The following CHRDL2 variants were observed in gnomAD, a reference collection of about 807,000 sequenced individuals.
CHRDL2 encodes chordin like 2.
A neutral mutation model predicts 54.3 loss-of-function variants in CHRDL2; 41 were observed. That is an observed-to-expected ratio of 0.76 (90% confidence interval 0.59 to 0.98). The LOEUF (loss-of-function observed/expected upper bound fraction) is 0.98. Ranked by LOEUF, CHRDL2 falls within the 50% of genes least tolerant of loss-of-function variation. CHRDL2 has a pLI of 0.00. For missense variants in CHRDL2, 518 were observed against 562.4 expected, an observed-to-expected ratio of 0.92 and a Z score of 0.80; for synonymous variants, 220 against 224.3, an observed-to-expected ratio of 0.98 and a Z score of 0.17.
chr11:74,709,838 G>A (rs190812917), intron 4 of CHRDL2, among the ~76,000 whole-genome samples: 86 of 152,326 alleles, frequency 5.6e-4, no homozygotes, highest in Non-Finnish European at 9.1e-4. Flanking sequence ...TGAGGCCCAA[G>A]TGTGGTGATC....
intron 3 of CHRDL2, among the ~76,000 whole-genome samples, chr11:74,712,658 C>T (rs1191743430): frequency 1.2e-4 from 18 of 152,144 alleles, no homozygotes; most frequent in African/African-American, 3.9e-4. Flanking sequence ...TCCAGAGCCC[C>T]GACCCGAGGC....
chr11:74,703,530 T>C (rs776859425), intron 7 of CHRDL2, 31 bp from the exon 8 acceptor site: 22 of 1,484,422 alleles, frequency 1.5e-5, no homozygotes, highest in Non-Finnish European at 1.8e-5. Flanking sequence ...GGAAGGAGGA[T>C]CAGGGCCTCA....
At chr11:74,696,670 T>G in intron 10 of CHRDL2, 85 bp from the exon 11 acceptor site, 1 of 1,049,700 alleles carries the variant, frequency 9.5e-7, no homozygotes, top group Non-Finnish European at 1.5e-6. Context: ...TGGAAAAGCC[T>G]TGGGCCAGGA....
chr11:74,717,437 C>T (rs952422557), intron 2 of CHRDL2, among the ~76,000 whole-genome samples: 5 of 152,174 alleles, frequency 3.3e-5, no homozygotes, highest in African/African-American at 1.2e-4. Flanking sequence ...CCTTTCTGTT[C>T]TCTGGCTATA....
In CHRDL2 at chr11:74,731,110, G is replaced by C. The variant is rs2034647202; in HGVS notation, c.-222C>G. 1.8e-6 allele frequency: 1 copy of C among 566,018 alleles called. No individual in the cohort carries two copies. The highest frequency in any genetic ancestry group is 3.1e-6 in the Non-Finnish European group (1 of 317,750). 35.1% of individuals were successfully genotyped at this position (566,018 alleles called of 1,614,324 possible). On this transcript the variant is annotated 5_prime_UTR_variant, in exon 1 of 11. Coordinates refer to ENST00000376332, the MANE Select transcript of CHRDL2 (RefSeq NM_001278473.3). The surrounding 1 kb of genome is among the most constrained non-coding windows in gnomAD (Gnocchi z 4.4). ...GAGAAAGGTGGAAAGAGAACGCGGG[G>C]AAAGGAGGGAGAGATGGAGAGACGA...
chr11:74,723,317 T>G (rs2034525534), intron 1 of CHRDL2, among the ~76,000 whole-genome samples: 1 of 152,132 alleles, frequency 6.6e-6, no homozygotes, highest in Non-Finnish European at 1.5e-5. Context: ...ATTATTATCA[T>G]TAGTAATACA....
chr11:74,718,636 G>A lies in CHRDL2; in HGVS notation c.195+84C>T. On this transcript the variant is annotated intron_variant, in intron 2 of 10. Transcript: ENST00000376332. ...GCCGCTGACAGCACAGTTCTAGAAGGCCTGGTCCTCCTTCTGGGGTGACTT... is the reference window on the plus strand; with the variant it reads ...GCCGCTGACAGCACAGTTCTAGAAGACCTGGTCCTCCTTCTGGGGTGACTT... 6.8e-6 allele frequency: 6 copies of A among 877,168 alleles called. No individual in the cohort carries two copies. The South Asian group carries it at 8.8e-5, about 13-fold the overall frequency. The allele number at this position is 877,168 out of a possible 1,614,324, so 54.3% of individuals were successfully genotyped here. A position where few individuals can be genotyped will look rare whatever the true frequency, so the allele number is the denominator to read the frequency against.
intron 4 of CHRDL2, among the ~76,000 whole-genome samples, chr11:74,710,612 G>T (rs1416989091): frequency 2.0e-5 from 3 of 149,958 alleles, no homozygotes; most frequent in Non-Finnish European, 4.4e-5. Context: ...TCCCCTCAAG[G>T]AATGCAGCGT....
intron 4 of CHRDL2, among the ~76,000 whole-genome samples, chr11:74,710,380 C>A (rs574926363): frequency 7.9e-5 from 12 of 152,292 alleles, no homozygotes; most frequent in Non-Finnish European, 1.5e-4. Flanking sequence ...GTCAGCCCTG[C>A]CTGCCCGGAG....
At chr11:74,710,318 C>G (rs2034146167) in intron 4 of CHRDL2, among the ~76,000 whole-genome samples, 1 of 152,170 alleles carries the variant, frequency 6.6e-6, no homozygotes, top group African/African-American at 2.4e-5. Context: ...TGAAGACTTT[C>G]CAGAGGAGGC....
chr11:74,718,426 G>A (rs2034417669), intron 2 of CHRDL2, among the ~76,000 whole-genome samples: 1 of 152,210 alleles, frequency 6.6e-6, no homozygotes, highest in Non-Finnish European at 1.5e-5. Context: ...CTGCGTGGGA[G>A]GCAGGGAGGC....
intron 1 of CHRDL2, among the ~76,000 whole-genome samples, chr11:74,722,497 T>A (rs979008364): frequency 1.3e-5 from 2 of 152,148 alleles, no homozygotes; most frequent in Non-Finnish European, 2.9e-5. Flanking sequence ...GGTCAGATAA[T>A]ATATGTAATA....
chr11:74,717,080 C>T (rs1368887253), intron 2 of CHRDL2, among the ~76,000 whole-genome samples: 1 of 150,238 alleles, frequency 6.7e-6, no homozygotes, highest in Non-Finnish European at 1.5e-5. Flanking sequence ...GGTGCCAGAG[C>T]GAGACCCTGT....
At chr11:74,722,570 G>A (rs1422944612) in intron 1 of CHRDL2, among the ~76,000 whole-genome samples, 1 of 151,916 alleles carries the variant, frequency 6.6e-6, no homozygotes, top group Non-Finnish European at 1.5e-5. Flanking sequence ...ACAGATCTGG[G>A]CACTGACCCC....
At position 74,720,271 on chromosome 11, in the gene CHRDL2, A is replaced by G. The variant is rs190821107; in HGVS notation, c.83-1439T>C. 2.3e-3 allele frequency: 358 copies of G among 153,132 alleles called. 1 individual carries two copies. The highest frequency in any genetic ancestry group is 4.3e-3 in the Non-Finnish European group (291 of 68,172). The allele number at this position is 153,132 out of a possible 1,614,324, so 9.5% of individuals were successfully genotyped here. ...ATGATAATTGTGGTAACAATCACAA[A>G]GCCACTGCAAAATGGACATTGTCAT... On this transcript the variant is annotated intron_variant, in intron 1 of 10. Coordinates refer to ENST00000376332, the MANE Select transcript of CHRDL2 (RefSeq NM_001278473.3).
chr11:74,708,532 ACAGCAAGGCCCGGC>A, intron 4 of CHRDL2, 137 bp from the exon 5 acceptor site: 1 of 635,624 alleles, frequency 1.6e-6, no homozygotes, highest in Middle Eastern at 2.7e-4. Context: ...CAGCATCTCC[ACAGCAAGGCCCGGC>A]CAGCTCAGAG....
intron 1 of CHRDL2, among the ~76,000 whole-genome samples, chr11:74,721,258 A>T (rs1288472932): frequency 1.3e-5 from 2 of 152,082 alleles, no homozygotes; most frequent in African/African-American, 2.4e-5. Flanking sequence ...GGAGGGGGTG[A>T]TTGCAACACT....
chr11:74,708,203 T>C, intron 5 of CHRDL2, 99 bp downstream of exon 5: 1 of 777,974 alleles, frequency 1.3e-6, no homozygotes, highest in Non-Finnish European at 1.9e-6. Flanking sequence ...TGCTACATGC[T>C]GGGTGTCACC....
intron 2 of CHRDL2, among the ~76,000 whole-genome samples, chr11:74,718,342 G>A (rs900799832): frequency 1.3e-5 from 2 of 152,204 alleles, no homozygotes; most frequent in Admixed American, 6.5e-5. Flanking sequence ...CTAAGGCAGG[G>A]CCAAAGTGGC....
Sources: gnomAD v4.1 joint callset for allele counts (sites outside exome capture counted in the v4.1 genomes callset) on GRCh38, gnomAD v4.1.1 for gene constraint, Gnocchi (gnomAD v3.1) non-coding constraint, MANE v1.5 for transcripts, NCBI Gene and HGNC (gene_info 2026-07-23, HGNC 2026-07-21) for gene names.